The following PRICKLE1 variants were observed in gnomAD, a reference collection of about 807,000 sequenced individuals.
The protein encoded by PRICKLE1 is prickle-like protein 1.
A neutral mutation model predicts 70.2 loss-of-function variants in PRICKLE1; 14 were observed. That is an observed-to-expected ratio of 0.20 (90% CI 0.13 to 0.31). The LOEUF (loss-of-function observed/expected upper bound fraction) is 0.31, where lower values mean the gene tolerates loss of function less well. Ranked by LOEUF, PRICKLE1 falls within the 10% of genes least tolerant of loss-of-function variation. The pLI, the probability that PRICKLE1 is intolerant of heterozygous loss-of-function variation, is 1.00. For missense variants in PRICKLE1, 821 were observed against 1,026.2 expected (o/e 0.80, Z 2.73); for synonymous variants, 357 against 379.9 (o/e 0.94, Z 0.70).
chr12:42,587,908 TC>T (rs1192354998), intron 1 of PRICKLE1, among the ~76,000 whole-genome samples: 1 of 152,258 alleles, frequency 6.6e-6, no homozygotes, highest in Non-Finnish European at 1.5e-5. Flanking sequence ...GATGCTCAAT[TC>T]AAAATGTATC....
At chr12:42,579,865 TGGA>T (rs1940869966) in intron 1 of PRICKLE1, among the ~76,000 whole-genome samples, 2 of 151,850 alleles carry the variant, frequency 1.3e-5, no homozygotes, top group Admixed American at 6.6e-5. Flanking sequence ...TTTTTTGAGA[TGGA>T]GTTTATATTA....
chr12:42,480,639 T>C (rs1938759129), intron 1 of PRICKLE1, among the ~76,000 whole-genome samples: 1 of 152,232 alleles, frequency 6.6e-6, no homozygotes, highest in Non-Finnish European at 1.5e-5. Flanking sequence ...TAAGGATTAT[T>C]ATCTTGATTG....
intron 1 of PRICKLE1, among the ~76,000 whole-genome samples, chr12:42,473,815 A>G (rs2140128650): frequency 7.4e-6 from 1 of 134,886 alleles, no homozygotes; most frequent in South Asian, 2.7e-4. Flanking sequence ...ACATTCTTCC[A>G]TCTCAGGAAG....
At chr12:42,539,460 T>A (rs1940070298) in intron 1 of PRICKLE1, among the ~76,000 whole-genome samples, 1 of 149,832 alleles carries the variant, frequency 6.7e-6, no homozygotes, top group African/African-American at 2.5e-5. Context: ...AGAGCGAGAC[T>A]CTGTCTCAAA....
intron 1 of PRICKLE1, among the ~76,000 whole-genome samples, chr12:42,574,546 T>C (rs1174421286): frequency 6.6e-6 from 1 of 152,258 alleles, no homozygotes; most frequent in Non-Finnish European, 1.5e-5. Flanking sequence ...CACACCAGAC[T>C]GCCTGAAAAC....
At chr12:42,462,195 T>G (rs1012468229) in intron 7 of PRICKLE1, among the ~76,000 whole-genome samples, 1 of 151,630 alleles carries the variant, frequency 6.6e-6, no homozygotes, top group Non-Finnish European at 1.5e-5. Flanking sequence ...CAAGTTATGT[T>G]TAATTCTTTT....
chr12:42,576,564 A>T (rs1405788358), intron 1 of PRICKLE1, among the ~76,000 whole-genome samples: 2 of 152,258 alleles, frequency 1.3e-5, no homozygotes, highest in Non-Finnish European at 2.9e-5. Flanking sequence ...TCTTTGAGTC[A>T]TGGCTGAAGT....
At chr12:42,500,659 A>ATTTTC in intron 1 of PRICKLE1, among the ~76,000 whole-genome samples, 1 of 136,632 alleles carries the variant, frequency 7.3e-6, no homozygotes, top group African/African-American at 3.0e-5. Flanking sequence ...TTTTTCATTA[A>ATTTTC]TTTTCTTTTT....
intron 1 of PRICKLE1, among the ~76,000 whole-genome samples, chr12:42,526,964 A>C (rs1220376307): frequency 6.6e-6 from 1 of 152,072 alleles, no homozygotes; most frequent in Non-Finnish European, 1.5e-5. Context: ...GGTGACGGTG[A>C]GTGGGGCTTG....
chr12:42,542,340 T>A (rs1052645715), intron 1 of PRICKLE1, among the ~76,000 whole-genome samples: 2 of 152,160 alleles, frequency 1.3e-5, no homozygotes, highest in African/African-American at 4.8e-5. Context: ...TATTCAATAT[T>A]CTCAATTTGT....
In PRICKLE1 at chr12:42,468,656, C is replaced by A. The variant is rs199650711; in HGVS notation, c.558G>T (p.Leu186=). 5.0e-6 allele frequency: 8 copies of A among 1,614,044 alleles called. No individual in the cohort carries two copies. The highest frequency in any genetic ancestry group is 1.7e-4 in the Middle Eastern group (1 of 6,052). ...CACATGCTGAGCACCGTGGTTTGAG[C>A]AGTTCTGCATGGTGCCTGCCACAGT... ...KIHCGRHHAE[L]LKPRCSACDE... The change falls in exon 5 of 8, where the codon CTG becomes CTT. Residue 186 remains leucine (L), a synonymous_variant. Coordinates refer to ENST00000345127, the MANE Select transcript of PRICKLE1 (RefSeq NM_153026.3).
At chr12:42,523,809 A>C (rs1939754069) in intron 1 of PRICKLE1, among the ~76,000 whole-genome samples, 1 of 152,232 alleles carries the variant, frequency 6.6e-6, no homozygotes, top group Non-Finnish European at 1.5e-5. Context: ...AAACCTTGTC[A>C]ACCATAAAGT....
chr12:42,562,299 T>C (rs983460875), intron 1 of PRICKLE1, among the ~76,000 whole-genome samples: 1 of 152,276 alleles, frequency 6.6e-6, no homozygotes, highest in African/African-American at 2.4e-5. Flanking sequence ...ATGGTAATAG[T>C]ACAAAAGGAA....
chr12:42,475,497 C>A (rs1056939170), intron 1 of PRICKLE1, among the ~76,000 whole-genome samples: 5 of 152,134 alleles, frequency 3.3e-5, no homozygotes, highest in Non-Finnish European at 5.9e-5. Flanking sequence ...CCCTGCAACC[C>A]CACACTGCCT....
rs189924677 is a variant in PRICKLE1, at chr12:42,541,682, A to G, written c.-49+47783T>C. On this transcript the variant is annotated intron_variant, in intron 1 of 7. Transcript: ENST00000345127. ...AGCACAGAACTGTTTTCCTCATCAA[A>G]GTCAAGAGACAGCAGTCCCAGTAAC... Among the ~76,000 whole-genome samples the G allele has an allele frequency of 7.2e-5, 11 of 152,222 alleles. No individual in the cohort carries two copies. The East Asian group carries it at 1.9e-3, about 27-fold the overall frequency.
chr12:42,556,610 C>G (rs543683104), intron 1 of PRICKLE1, among the ~76,000 whole-genome samples: 2 of 152,162 alleles, frequency 1.3e-5, no homozygotes, highest in South Asian at 4.1e-4. Context: ...GGATCCAGTA[C>G]GAAGTAGGGA....
At chr12:42,546,281 A>C (rs1227631024) in intron 1 of PRICKLE1, among the ~76,000 whole-genome samples, 1 of 152,226 alleles carries the variant, frequency 6.6e-6, no homozygotes, top group Non-Finnish European at 1.5e-5. Flanking sequence ...AAATTTGAAA[A>C]GGACTGGTAA....
chr12:42,482,496 G>A (rs1593128161), intron 1 of PRICKLE1, among the ~76,000 whole-genome samples: 1 of 152,110 alleles, frequency 6.6e-6, no homozygotes, highest in African/African-American at 2.4e-5. Flanking sequence ...TTCAACAGTG[G>A]CCCGAGGAAA....
chr12:42,465,276 GAATA>G lies in PRICKLE1; in HGVS notation c.776-22_776-19del. On this transcript the variant is annotated intron_variant, in intron 6 of 7. Transcript: ENST00000345127. ...GTCCACACCTGTTTTGAAAAGGATA[GAATA>G]AATAACAGGTTATGGTTTAATGCCT... 1 of 1,613,460 alleles carries G rather than the reference GAATA, an allele frequency of 6.2e-7. No individual in the cohort carries two copies. Among genetic ancestry groups the G allele is most frequent in the African/African-American group, 1.3e-5 (1 of 74,996 alleles).
Sources: allele counts gnomAD v4.1 joint callset (sites outside exome capture counted in the v4.1 genomes callset), GRCh38; gene constraint gnomAD v4.1.1; transcripts MANE v1.5; gene names NCBI Gene and HGNC (gene_info 2026-07-23, HGNC 2026-07-21).